Variants in PCDHA3 observed in about 807,000 individuals in gnomAD.
The protein encoded by PCDHA3 is protocadherin alpha 3.
PCDHA3 carries 41 observed loss-of-function variants against 62.2 expected under a neutral mutation model. That is an observed-to-expected ratio of 0.66 (90% CI 0.51 to 0.86). PCDHA3 has a LOEUF of 0.86. PCDHA3 is among the 40% of genes least tolerant of loss of function. PCDHA3 has a pLI of 0.00. For synonymous variants in PCDHA3, 640 were observed against 555.4 expected (o/e 1.15, Z -2.14); for missense variants, 1,304 against 1,241.2 (o/e 1.05, Z -0.76).
At chr5:140,829,792 G>C in intron 1 of PCDHA3, 2 of 1,613,832 alleles carry the variant, frequency 1.2e-6, no homozygotes, top group Non-Finnish European at 1.7e-6. Flanking sequence ...CGCTGCTGGC[G>C]CCTCGGGTGG....
chr5:140,901,196 C>T (rs1294830498), intron 1 of PCDHA3, among the ~76,000 whole-genome samples: 7 of 152,222 alleles, frequency 4.6e-5, no homozygotes, highest in African/African-American at 1.7e-4. Flanking sequence ...CTTTTCTGTG[C>T]AGAAGGTTTT....
chr5:140,829,682 C>T (rs1770489810), intron 1 of PCDHA3: 1 of 1,613,140 alleles, frequency 6.2e-7, no homozygotes, highest in Admixed American at 1.7e-5. Flanking sequence ...GCTAGAGCTG[C>T]TGCAGTTTCA....
intron 1 of PCDHA3, among the ~76,000 whole-genome samples, chr5:140,972,550 A>G (rs534377572): frequency 6.6e-6 from 1 of 152,114 alleles, no homozygotes; most frequent in Admixed American, 6.5e-5. Context: ...TGCAGTGAGG[A>G]TTCTGAAGTA....
Position 141,010,492 on chromosome 5 carries a change from C to T in PCDHA3, c.*555C>T. 8.0e-6 allele frequency: 5 copies of T among 628,626 alleles called. No homozygotes were observed. 38.9% of individuals were successfully genotyped at this position (628,626 alleles called of 1,614,324 possible). On this transcript the variant is annotated 3_prime_UTR_variant, in exon 4 of 4. Coordinates refer to ENST00000522353, the MANE Select transcript of PCDHA3 (RefSeq NM_018906.3). ...AGGGGAAGTGTAAACTTAAAGGGAC[C>T]AGACTTTCTAAATCTTACAACTCAA... is the stretch of plus-strand genomic sequence containing the variant.
At position 141,012,295 on chromosome 5, in the gene PCDHA3, T is replaced by C. The variant is rs2098423507; in HGVS notation, c.*2358T>C. ...GTCATGTGGATTCATTTTGAATTGG[T>C]GCTATTGGTATTTCCTCTGTTATTG... On this transcript the variant is annotated 3_prime_UTR_variant, in exon 4 of 4. Coordinates refer to ENST00000522353, the MANE Select transcript of PCDHA3 (RefSeq NM_018906.3). 6.5e-6 allele frequency: 1 copy of C among 153,776 alleles called. No homozygotes were observed. The highest frequency in any genetic ancestry group is 2.4e-5 in the African/African-American group (1 of 41,466). 9.5% of individuals were successfully genotyped at this position (153,776 alleles called of 1,614,324 possible).
At chr5:140,888,956 G>A (rs1043287613) in intron 1 of PCDHA3, among the ~76,000 whole-genome samples, 1 of 151,722 alleles carries the variant, frequency 6.6e-6, no homozygotes, top group Non-Finnish European at 1.5e-5. Context: ...TTTTTCTTTG[G>A]CAATGTTAAT....
intron 1 of PCDHA3, among the ~76,000 whole-genome samples, chr5:140,840,938 GA>G (rs1162522962): frequency 6.6e-6 from 1 of 151,908 alleles, no homozygotes; most frequent in Non-Finnish European, 1.5e-5. Flanking sequence ...TACGATATTT[GA>G]AATATTGGGA....
chr5:140,851,152 C>A, intron 1 of PCDHA3: 2 of 1,305,064 alleles, frequency 1.5e-6, no homozygotes, highest in Non-Finnish European at 2.0e-6. Context: ...CATTGAATTT[C>A]TGATGCTATG....
chr5:140,933,413 T>A (rs2089136962), intron 1 of PCDHA3, among the ~76,000 whole-genome samples: 3 of 152,056 alleles, frequency 2.0e-5, no homozygotes, highest in Non-Finnish European at 4.4e-5. Flanking sequence ...TCTACAGATA[T>A]TCTGTGTTCA....
chr5:140,847,295 C>G (rs1780942719), intron 1 of PCDHA3, among the ~76,000 whole-genome samples: 1 of 149,718 alleles, frequency 6.7e-6, no homozygotes, highest in Non-Finnish European at 1.5e-5. Flanking sequence ...AACTCAGAAG[C>G]TCCTGCAGTA....
chr5:140,875,803 G>C (rs370212231), intron 1 of PCDHA3: 17 of 1,614,218 alleles, frequency 1.1e-5, no homozygotes, highest in Non-Finnish European at 1.4e-5. Context: ...GGTGATCGTG[G>C]ACAGGCCGCT....
chr5:140,934,858 CTT>C (rs1462067711), intron 1 of PCDHA3, among the ~76,000 whole-genome samples: 1 of 152,136 alleles, frequency 6.6e-6, no homozygotes, highest in African/African-American at 2.4e-5. Flanking sequence ...GCTCCTGAGT[CTT>C]TGTGAGTGTG....
At chr5:140,866,073 G>A (rs1329544131) in intron 1 of PCDHA3, 1 of 152,068 alleles carries the variant, frequency 6.6e-6, no homozygotes, top group Non-Finnish European at 1.5e-5. Flanking sequence ...ACTGAGATAG[G>A]TATTTTGGTT....
chr5:140,813,645 A>T (rs183408897), intron 1 of PCDHA3: 1 of 152,194 alleles, frequency 6.6e-6, no homozygotes. Flanking sequence ...ATTACTGTGC[A>T]CTAATGTAGA....
intron 1 of PCDHA3, chr5:140,884,079 A>G (rs2059982825): frequency 5.6e-6 from 9 of 1,613,504 alleles, no homozygotes; most frequent in South Asian, 3.3e-5. Context: ...TCGGGCTACA[A>G]TGCGTGGCTT....
chr5:140,941,251 C>CT (rs1177440606), intron 1 of PCDHA3, among the ~76,000 whole-genome samples: 1 of 121,786 alleles, frequency 8.2e-6, no homozygotes, highest in Non-Finnish European at 1.8e-5. Context: ...TTCTTTCTTT[C>CT]TTTCTCTTTC....
At chr5:140,876,004 T>A in intron 1 of PCDHA3, 1 of 1,613,866 alleles carries the variant, frequency 6.2e-7, no homozygotes, top group African/African-American at 1.3e-5. Context: ...AAATGAGAAT[T>A]TTGAGCTTAA....
chr5:140,857,555 C>G, intron 1 of PCDHA3: 1 of 1,597,062 alleles, frequency 6.3e-7, no homozygotes, highest in East Asian at 2.2e-5. Flanking sequence ...CGAGCGCTCG[C>G]TGTCGAGCTA....
rs1490368496 is a variant in PCDHA3, at chr5:140,848,582, C to T, written c.2394+44991C>T. ...TCGCAATGTGGGTGGTGGGGAGCGG[C>T]CAGCTCCACTACTCCGTCCCGGAGG... is the stretch of plus-strand genomic sequence containing the variant. On this transcript the variant is annotated intron_variant, in intron 1 of 3. Transcript: ENST00000522353. 1.7e-5 allele frequency: 27 copies of T among 1,595,002 alleles called. 2 individuals carry two copies. Among genetic ancestry groups the T allele is most frequent in the African/African-American group, 6.7e-5 (5 of 74,374 alleles).
Sources: allele counts gnomAD v4.1 joint callset (sites outside exome capture counted in the v4.1 genomes callset), GRCh38; gene constraint gnomAD v4.1.1; transcripts MANE v1.5; gene names NCBI Gene and HGNC (gene_info 2026-07-23, HGNC 2026-07-21).